Variants in CCSER1 observed in about 807,000 individuals in gnomAD.
The protein encoded by CCSER1 is serine-rich coiled-coil domain-containing protein 1.
A neutral mutation model predicts 82.0 loss-of-function variants in CCSER1; 41 were observed. The ratio of observed to expected loss-of-function variants is 0.50; its 90% CI spans 0.39 to 0.65. The LOEUF (loss-of-function observed/expected upper bound fraction) is 0.65, where lower values mean the gene tolerates loss of function less well. Among genes scored for constraint, CCSER1 ranks in the 30% least tolerant of loss-of-function variants. CCSER1 has a pLI of 0.00. For synonymous variants in CCSER1, 414 were observed against 383.9 expected (o/e 1.08, Z -0.92); for missense variants, 1,119 against 1,064.2 (o/e 1.05, Z -0.72).
At chr4:90,188,529 T>C (rs1735037394) in intron 1 of CCSER1, among the ~76,000 whole-genome samples, 1 of 151,890 alleles carries the variant, frequency 6.6e-6, no homozygotes, top group Non-Finnish European at 1.5e-5. Context: ...TCTTAGTATG[T>C]ATACCAATTA....
At chr4:90,161,294 C>G (rs1383351569) in intron 1 of CCSER1, among the ~76,000 whole-genome samples, 1 of 152,136 alleles carries the variant, frequency 6.6e-6, no homozygotes, top group Non-Finnish European at 1.5e-5. Flanking sequence ...ACAGTTAACA[C>G]TTATTTAGCA....
At chr4:91,085,919 A>G in intron 9 of CCSER1, 31 bp from the exon 10 acceptor site, 1 of 1,271,924 alleles carries the variant, frequency 7.9e-7, no homozygotes, top group South Asian at 1.3e-5. Context: ...CTTCGTTGCC[A>G]ATAATAATAT....
intron 1 of CCSER1, among the ~76,000 whole-genome samples, chr4:90,301,833 A>T (rs1190512307): frequency 6.6e-6 from 1 of 152,140 alleles, no homozygotes; most frequent in Non-Finnish European, 1.5e-5. Context: ...TTATAAAAAC[A>T]TTGTAGTAAA....
intron 10 of CCSER1, among the ~76,000 whole-genome samples, chr4:91,361,938 G>T (rs925912320): frequency 2.0e-5 from 3 of 151,650 alleles, no homozygotes; most frequent in Non-Finnish European, 2.9e-5. Context: ...AATGGGGAGG[G>T]TATTTGGCGC....
intron 10 of CCSER1, among the ~76,000 whole-genome samples, chr4:91,146,448 G>A (rs1471940210): frequency 6.6e-6 from 1 of 152,124 alleles, no homozygotes; most frequent in African/African-American, 2.4e-5. Flanking sequence ...ATCTGGTTAG[G>A]ATCCACCAGG....
At chr4:90,155,871 C>T (rs1220703834) in intron 1 of CCSER1, among the ~76,000 whole-genome samples, 137 of 143,518 alleles carry the variant, frequency 9.5e-4, no homozygotes, top group South Asian at 1.8e-3. Context: ...TCTCTATTTC[C>T]TTCAGTTCTG....
chr4:90,800,069 C>T (rs1398112172), intron 7 of CCSER1, among the ~76,000 whole-genome samples: 1 of 152,154 alleles, frequency 6.6e-6, no homozygotes, highest in Non-Finnish European at 1.5e-5. Context: ...CCTCTGAAGG[C>T]CTGTTAGGAG....
intron 10 of CCSER1, among the ~76,000 whole-genome samples, chr4:91,587,941 AAAAAAT>A (rs1764078396): frequency 6.6e-6 from 1 of 151,538 alleles, no homozygotes; most frequent in African/African-American, 2.4e-5. Context: ...ATATTATATC[AAAAAAT>A]AAAAATATTT....
chr4:90,755,402 C>A (rs545397407), intron 7 of CCSER1, among the ~76,000 whole-genome samples: 1 of 152,116 alleles, frequency 6.6e-6, no homozygotes, highest in Non-Finnish European at 1.5e-5. Context: ...ACCTGCCATC[C>A]CATCTAGCAG....
At chr4:90,852,891 T>G (rs1764049751) in intron 8 of CCSER1, among the ~76,000 whole-genome samples, 1 of 152,170 alleles carries the variant, frequency 6.6e-6, no homozygotes, top group Non-Finnish European at 1.5e-5. Context: ...ATACTTATGG[T>G]TCAAAACTCT....
At chr4:91,477,080 G>A (rs1293533670) in intron 10 of CCSER1, among the ~76,000 whole-genome samples, 2 of 151,616 alleles carry the variant, frequency 1.3e-5, no homozygotes, top group Non-Finnish European at 3.0e-5. Context: ...ATTACATCAT[G>A]CTAAAAGGTT....
chr4:91,136,191 A>G (rs2148918448), intron 10 of CCSER1, among the ~76,000 whole-genome samples: 1 of 152,262 alleles, frequency 6.6e-6, no homozygotes, highest in South Asian at 2.1e-4. Flanking sequence ...TTCTCACAGC[A>G]GCTACACCAA....
At chr4:91,381,613 C>T (rs1750901803) in intron 10 of CCSER1, among the ~76,000 whole-genome samples, 1 of 152,170 alleles carries the variant, frequency 6.6e-6, no homozygotes, top group Non-Finnish European at 1.5e-5. Context: ...TTAAGGACTT[C>T]TCTACACTGA....
intron 10 of CCSER1, among the ~76,000 whole-genome samples, chr4:91,484,055 TAA>T (rs70965500): frequency 2.1e-4 from 28 of 130,960 alleles, no homozygotes; most frequent in Non-Finnish European, 2.1e-4. Flanking sequence ...GCCTATTCTC[TAA>T]AAAAAAAAAA....
intron 5 of CCSER1, among the ~76,000 whole-genome samples, chr4:90,520,341 A>G (rs1421278226): frequency 1.3e-5 from 2 of 152,026 alleles, no homozygotes; most frequent in African/African-American, 2.4e-5. Context: ...CTTTTTCATA[A>G]TGGAATTTGT....
chr4:90,748,851 G>C (rs1748024897), intron 7 of CCSER1, among the ~76,000 whole-genome samples: 1 of 149,612 alleles, frequency 6.7e-6, no homozygotes, highest in Admixed American at 6.7e-5. Flanking sequence ...AGAAGTGTCT[G>C]TTCATGTCCT....
At chr4:91,109,496 A>C (rs539454111) in intron 10 of CCSER1, among the ~76,000 whole-genome samples, 1 of 152,228 alleles carries the variant, frequency 6.6e-6, no homozygotes, top group Admixed American at 6.5e-5. Flanking sequence ...AGTTAAAAAA[A>C]AAAAGTGTCA....
chr4:91,389,212 A>G (rs1039902350), intron 10 of CCSER1, among the ~76,000 whole-genome samples: 3 of 152,000 alleles, frequency 2.0e-5, no homozygotes, highest in African/African-American at 4.8e-5. Flanking sequence ...ATTTGGATCT[A>G]TGATCTATTT....
At chr4:90,137,763 C>A (rs959201426) in intron 1 of CCSER1, among the ~76,000 whole-genome samples, 2 of 152,202 alleles carry the variant, frequency 1.3e-5, no homozygotes, top group African/African-American at 2.4e-5. Context: ...ATCTTGCTGA[C>A]CTCTCTTGCA....
Sources: gnomAD v4.1 joint callset for allele counts (sites outside exome capture counted in the v4.1 genomes callset) on GRCh38, gnomAD v4.1.1 for gene constraint, MANE v1.5 for transcripts, NCBI Gene and HGNC (gene_info 2026-07-23, HGNC 2026-07-21) for gene names.